The following UBE2E2 variants were observed in gnomAD, a reference collection of about 807,000 sequenced individuals.
UBE2E2 encodes the protein ubiquitin-conjugating enzyme E2 E2.
A neutral mutation model predicts 24.7 loss-of-function variants in UBE2E2; 6 were observed. That is an observed-to-expected ratio of 0.24 (90% CI 0.13 to 0.48). The LOEUF (loss-of-function observed/expected upper bound fraction) is 0.48, where lower values mean the gene tolerates loss of function less well. Ranked by LOEUF, UBE2E2 falls within the 20% of genes least tolerant of loss-of-function variation. The pLI, the probability that UBE2E2 is intolerant of heterozygous loss-of-function variation, is 0.99. For synonymous variants in UBE2E2, 104 were observed against 83.6 expected (o/e 1.24, Z -1.33); for missense variants, 169 against 245.0 (o/e 0.69, Z 2.07).
At chr3:23,321,913 A>C (rs1694748788) in intron 3 of UBE2E2, among the ~76,000 whole-genome samples, 1 of 151,238 alleles carries the variant, frequency 6.6e-6, no homozygotes, top group South Asian at 2.1e-4. Flanking sequence ...ATGACATATA[A>C]TTCATCAGGT....
At chr3:23,467,139 A>G (rs1698936556) in intron 3 of UBE2E2, among the ~76,000 whole-genome samples, 1 of 152,216 alleles carries the variant, frequency 6.6e-6, no homozygotes, top group Non-Finnish European at 1.5e-5. Context: ...TAAATATGAC[A>G]TGTATGTTTC....
At chr3:23,488,414 A>G (rs1473701865) in intron 3 of UBE2E2, among the ~76,000 whole-genome samples, 1 of 152,026 alleles carries the variant, frequency 6.6e-6, no homozygotes, top group Non-Finnish European at 1.5e-5. Flanking sequence ...CCCTGTGTCC[A>G]TGTGTTCTCA....
At chr3:23,585,362 C>A (rs752510591) in intron 5 of UBE2E2, among the ~76,000 whole-genome samples, 2 of 139,298 alleles carry the variant, frequency 1.4e-5, no homozygotes, top group African/African-American at 5.6e-5. Flanking sequence ...CAGAGTGAGA[C>A]CCTGTCTCAA....
intron 3 of UBE2E2, among the ~76,000 whole-genome samples, chr3:23,479,860 A>T (rs1699219323): frequency 6.6e-6 from 1 of 152,178 alleles, no homozygotes; most frequent in South Asian, 2.1e-4. Context: ...TTATGTGCTC[A>T]GAATGGAGGC....
At chr3:23,335,031 A>G (rs930147181) in intron 3 of UBE2E2, among the ~76,000 whole-genome samples, 1 of 152,232 alleles carries the variant, frequency 6.6e-6, no homozygotes, top group Non-Finnish European at 1.5e-5. Flanking sequence ...CACATTAAAT[A>G]TGCACATAAA....
At position 23,423,274 on chromosome 3, in the gene UBE2E2, A is replaced by C. The variant is rs557126869; in HGVS notation, c.228-76334A>C. On this transcript the variant is annotated intron_variant, in intron 3 of 5. Coordinates refer to ENST00000396703, the MANE Select transcript of UBE2E2 (RefSeq NM_152653.4). ...AGTTGTGTTCGAGTTCTAACTTTGC[A>C]GCTGTCTTGGAGATCTAATACATTA... is the stretch of plus-strand genomic sequence containing the variant. Among the ~76,000 whole-genome samples the C allele has an allele frequency of 3.9e-5, 6 of 152,336 alleles. 1 individual carries two copies. The South Asian group carries it at 1.2e-3, about 32-fold the overall frequency.
intron 3 of UBE2E2, among the ~76,000 whole-genome samples, chr3:23,367,723 G>T (rs578038217): frequency 6.6e-6 from 1 of 152,248 alleles, no homozygotes; most frequent in African/African-American, 2.4e-5. Flanking sequence ...GGAAGCCAGT[G>T]GGCAGACGTT....
intron 5 of UBE2E2, among the ~76,000 whole-genome samples, chr3:23,580,180 G>A (rs893840768): frequency 6.6e-6 from 1 of 152,216 alleles, no homozygotes; most frequent in African/African-American, 2.4e-5. Flanking sequence ...TAAGACAGTG[G>A]CAGGATTTAA....
chr3:23,390,289 C>G (rs1442708979), intron 3 of UBE2E2, among the ~76,000 whole-genome samples: 2 of 152,244 alleles, frequency 1.3e-5, no homozygotes, highest in Non-Finnish European at 2.9e-5. Context: ...ATCCTGTACC[C>G]ATATTAACCC....
chr3:23,247,660 T>C (rs555620475), intron 3 of UBE2E2, among the ~76,000 whole-genome samples: 2 of 152,096 alleles, frequency 1.3e-5, no homozygotes, highest in South Asian at 2.1e-4. Context: ...TAAGTAGGAG[T>C]ATTTGGACCT....
intron 3 of UBE2E2, among the ~76,000 whole-genome samples, chr3:23,293,964 T>G (rs932789967): frequency 1.3e-5 from 2 of 152,164 alleles, no homozygotes; most frequent in African/African-American, 2.4e-5. Flanking sequence ...AAAATAAATA[T>G]AATACATTCA....
chr3:23,580,937 A>C (rs1490105161), intron 5 of UBE2E2, among the ~76,000 whole-genome samples: 2 of 152,354 alleles, frequency 1.3e-5, no homozygotes, highest in Admixed American at 1.3e-4. Flanking sequence ...AGTTTTAAAA[A>C]TCCTTATGGT....
At chr3:23,490,218 A>G (rs1437301213) in intron 3 of UBE2E2, among the ~76,000 whole-genome samples, 2 of 152,186 alleles carry the variant, frequency 1.3e-5, no homozygotes, top group African/African-American at 2.4e-5. Flanking sequence ...ATCATAACCT[A>G]TTTCTAACAA....
In UBE2E2 at chr3:23,280,357, A is replaced by G. The variant is rs1698465902; in HGVS notation, c.227+63045A>G. 1.3e-5 allele frequency among the ~76,000 whole-genome samples: 2 copies of G among 152,238 alleles called. No homozygotes were observed. The highest frequency in any genetic ancestry group is 2.4e-5 in the African/African-American group (1 of 41,456). On this transcript the variant is annotated intron_variant, in intron 3 of 5. Transcript: ENST00000396703. This position sits in a 1 kb window ranked among gnomAD's most constrained non-coding sequence, Gnocchi z 4.3. ...ATTCTTTGGGAAACAAATGTTGCAC[A>G]TATGGCATCATCTTTCTTCCTCCTA...
intron 3 of UBE2E2, among the ~76,000 whole-genome samples, chr3:23,283,530 G>A (rs755697323): frequency 4.6e-5 from 7 of 152,078 alleles, no homozygotes; most frequent in African/African-American, 7.2e-5. Context: ...TCAGGAGTTC[G>A]AGCCTGAGCA....
chr3:23,261,134 A>G (rs1159176879), intron 3 of UBE2E2, among the ~76,000 whole-genome samples: 1 of 151,882 alleles, frequency 6.6e-6, no homozygotes, highest in East Asian at 1.9e-4. Context: ...AAGAAAAGTA[A>G]TGGAACTCAG....
chr3:23,337,445 G>T (rs1457563728), intron 3 of UBE2E2, among the ~76,000 whole-genome samples: 4 of 152,152 alleles, frequency 2.6e-5, no homozygotes. Context: ...TGTCCTTAAG[G>T]AATTGATAAT....
intron 3 of UBE2E2, among the ~76,000 whole-genome samples, chr3:23,425,911 C>G (rs1018002152): frequency 6.6e-6 from 1 of 152,100 alleles, no homozygotes; most frequent in African/African-American, 2.4e-5. Context: ...GCAACAGAAC[C>G]AGATTCAGAT....
At position 23,532,475 on chromosome 3, in the gene UBE2E2, T is replaced by G; in HGVS notation, c.361-79T>G. 1.1e-5 allele frequency: 14 copies of G among 1,323,940 alleles called. 1 individual carries two copies. Among genetic ancestry groups the G allele is most frequent in the Middle Eastern group, 2.8e-4 (1 of 3,528 alleles). 82.0% of individuals were successfully genotyped at this position (1,323,940 alleles called of 1,614,324 possible). A position where few individuals can be genotyped will look rare whatever the true frequency, so the allele number is the denominator to read the frequency against. On this transcript the variant is annotated intron_variant, in intron 4 of 5. Coordinates refer to ENST00000396703, the MANE Select transcript of UBE2E2 (RefSeq NM_152653.4). Reference sequence around the variant, plus strand: ...TATTTTGTCTGATAAAATAGGCAATTTTATTAGACAAAAATTGTCTATAGA... The same window carrying G: ...TATTTTGTCTGATAAAATAGGCAATGTTATTAGACAAAAATTGTCTATAGA...
Sources: gnomAD v4.1 joint callset for allele counts (sites outside exome capture counted in the v4.1 genomes callset) on GRCh38, gnomAD v4.1.1 for gene constraint, Gnocchi (gnomAD v3.1) non-coding constraint, MANE v1.5 for transcripts, NCBI Gene and HGNC (gene_info 2026-07-23, HGNC 2026-07-21) for gene names.